APOBEC2: variants seen among roughly 807,000 people sequenced by gnomAD.
APOBEC2 encodes the protein C->U-editing enzyme APOBEC-2.
A neutral mutation model predicts 19.4 loss-of-function variants in APOBEC2; 14 were observed. The ratio of observed to expected loss-of-function variants is 0.72; its 90% CI spans 0.48 to 1.13. APOBEC2 has a LOEUF of 1.13. Ranked by LOEUF, APOBEC2 falls within the 50% of genes most tolerant of loss-of-function variation. The pLI, the probability that APOBEC2 is intolerant of heterozygous loss-of-function variation, is 0.00. For missense variants in APOBEC2, 304 were observed against 277.0 expected, an observed-to-expected ratio of 1.10 and a Z score of -0.69; for synonymous variants, 127 against 112.1, an observed-to-expected ratio of 1.13 and a Z score of -0.84.
chr6:41,058,869 G>C (rs1561837322), intron 1 of APOBEC2, among the ~76,000 whole-genome samples: 1 of 152,162 alleles, frequency 6.6e-6, no homozygotes, highest in Non-Finnish European at 1.5e-5. Context: ...CCTTTCCTTT[G>C]CTCCTTGAAA....
rs41273362 is a variant in APOBEC2, at chr6:41,061,555, C to G, written c.359C>G (p.Thr120Ser). The change falls in exon 2 of 3, where the codon ACC becomes AGC. Residue 120 changes from threonine (T) to serine (S), a missense_variant. By Grantham distance (58) the Thr-to-Ser change is moderately conservative (BLOSUM62 1). Coordinates refer to ENST00000244669, the MANE Select transcript of APOBEC2 (RefSeq NM_006789.4). ...AFDPALRYNV[T>S]WYVSSSPCAA... is the part of the protein sequence containing the mutation. ...GACCCAGCCCTGCGGTACAATGTCACCTGGTATGTGTCCTCCAGCCCCTGT... is the reference window on the plus strand; with the variant it reads ...GACCCAGCCCTGCGGTACAATGTCAGCTGGTATGTGTCCTCCAGCCCCTGT... 1.9e-6 allele frequency: 3 copies of G among 1,614,230 alleles called. No homozygotes were observed. The highest frequency in any genetic ancestry group is 2.5e-6 in the Non-Finnish European group (3 of 1,180,032).
chr6:41,061,469 G>T lies in APOBEC2; in HGVS notation c.273G>T (p.Glu91Asp). The T allele has an allele frequency of 6.2e-7, 1 of 1,613,896 alleles. No individual in the cohort carries two copies. The highest frequency in any genetic ancestry group is 8.5e-7 in the Non-Finnish European group (1 of 1,179,902). Residue 91 changes from glutamate to aspartate, a missense_variant, in exon 2 of 3, where the codon GAG (glutamate) becomes GAT (aspartate). Transcript: ENST00000244669. ...TGCAGGCATCTCGGGGATACCTAGA[G>T]GATGAGCATGCGGCTGCCCATGCAG... The part of the protein sequence containing the change: ...GQVQASRGYL[E>D]DEHAAAHAEE...
chr6:41,063,453 A>G (rs1343642237), intron 2 of APOBEC2, among the ~76,000 whole-genome samples: 1 of 151,960 alleles, frequency 6.6e-6, no homozygotes, highest in Non-Finnish European at 1.5e-5. Context: ...CCGGCAGCTT[A>G]AAATTTAACC....
intron 1 of APOBEC2, among the ~76,000 whole-genome samples, chr6:41,059,268 G>T (rs924973785): frequency 6.6e-6 from 1 of 152,176 alleles, no homozygotes; most frequent in Non-Finnish European, 1.5e-5. Context: ...TACTTGCCAG[G>T]GTTCCACCTG....
At chr6:41,054,868 CTCT>C (rs1554130909) in intron 1 of APOBEC2, among the ~76,000 whole-genome samples, 3 of 152,240 alleles carry the variant, frequency 2.0e-5, no homozygotes, top group Non-Finnish European at 4.4e-5. Context: ...GCACACTACA[CTCT>C]TGTGTGGCTT....
At position 41,061,558 on chromosome 6, in the gene APOBEC2, G is replaced by A. The variant is rs976805460; in HGVS notation, c.362G>A (p.Trp121Ter). The A allele has an allele frequency of 1.2e-6, 2 of 1,614,208 alleles. No homozygotes were observed. Among genetic ancestry groups the A allele is most frequent in the Non-Finnish European group, 8.5e-7 (1 of 1,180,036 alleles). Reference protein sequence around the residue: ...FDPALRYNVTWYVSSSPCAAC... With the variant: ...FDPALRYNVT ...CCAGCCCTGCGGTACAATGTCACCT[G>A]GTATGTGTCCTCCAGCCCCTGTGCA... Residue 121 changes from tryptophan to a stop codon, truncating the protein, a stop_gained, in exon 2 of 3, where the codon TGG becomes TAG. Transcript: ENST00000244669. LOFTEE classifies it high-confidence loss of function.
chr6:41,056,684 CTT>C (rs1762799928), intron 1 of APOBEC2, among the ~76,000 whole-genome samples: 2 of 152,312 alleles, frequency 1.3e-5, no homozygotes, highest in Middle Eastern at 3.4e-3. Flanking sequence ...GAGGACAGCA[CTT>C]TGTCTTTTTC....
At position 41,061,557 on chromosome 6, in the gene APOBEC2, T is replaced by G; in HGVS notation, c.361T>G (p.Trp121Gly). Residue 121 changes from tryptophan (W) to glycine (G), a missense_variant, in exon 2 of 3, where the codon TGG becomes GGG. By Grantham distance (184) the Trp-to-Gly change is radical. Coordinates refer to ENST00000244669, the MANE Select transcript of APOBEC2 (RefSeq NM_006789.4). The stretch of plus-strand genomic sequence containing the variant: ...CCCAGCCCTGCGGTACAATGTCACC[T>G]GGTATGTGTCCTCCAGCCCCTGTGC... Reference protein sequence around the residue: ...FDPALRYNVTWYVSSSPCAAC... With the variant: ...FDPALRYNVTGYVSSSPCAAC... 6.2e-7 allele frequency: 1 copy of G among 1,614,208 alleles called. No individual in the cohort carries two copies. Among genetic ancestry groups the G allele is most frequent in the Non-Finnish European group, 8.5e-7 (1 of 1,180,040 alleles).
chr6:41,061,232 C>A lies in APOBEC2; in HGVS notation c.132-96C>A. On this transcript the variant is annotated intron_variant, in intron 1 of 2. Transcript: ENST00000244669. The stretch of plus-strand genomic sequence containing the variant: ...ATTTATAGTAAGAGTGAATGCATTT[C>A]TGAAGTACTGACCTGGAAGAGCTAC... 9 of 742,148 alleles carry A rather than the reference C, an allele frequency of 1.2e-5. No individual in the cohort carries two copies. In the East Asian group the frequency reaches 2.2e-4, roughly 18 times the overall value. The allele number at this position is 742,148 out of a possible 1,614,324, so 46.0% of individuals were successfully genotyped here. A position where few individuals can be genotyped will look rare whatever the true frequency, so the allele number is the denominator to read the frequency against.
intron 1 of APOBEC2, among the ~76,000 whole-genome samples, chr6:41,057,816 TGAACC>T (rs1762813952): frequency 6.6e-6 from 1 of 152,222 alleles, no homozygotes; most frequent in Non-Finnish European, 1.5e-5. Flanking sequence ...GTTTTGAATG[TGAACC>T]TGAGAAAAAT....
intron 1 of APOBEC2, among the ~76,000 whole-genome samples, chr6:41,060,189 T>C (rs1219146133): frequency 2.6e-5 from 4 of 152,126 alleles, no homozygotes; most frequent in Non-Finnish European, 4.4e-5. Context: ...TTCCTGCTGT[T>C]TTCATTTCCT....
Position 41,061,802 on chromosome 6 carries a change from T to C in APOBEC2, c.606T>C (p.Phe202=). The C allele has an allele frequency of 6.2e-7, 1 of 1,614,192 alleles. No homozygotes were observed. The highest frequency in any genetic ancestry group is 1.1e-5 in the South Asian group (1 of 91,090). ...VEQEEGESKA[F]QPWEDIQENF... is the part of the protein sequence containing the mutation. ...AAGAAGAGGGTGAATCCAAGGCCTT[T>C]CAGCCCTGGGAGGACATTCAGGAGA... The change falls in exon 2 of 3, where the codon TTT becomes TTC. Residue 202 remains phenylalanine (F), a synonymous_variant. Transcript: ENST00000244669.
chr6:41,063,238 A>C (rs189247581), intron 2 of APOBEC2, among the ~76,000 whole-genome samples: 1 of 152,314 alleles, frequency 6.6e-6, no homozygotes, highest in Admixed American at 6.5e-5. Context: ...CAGTCACTGA[A>C]GTCAGTGAGC....
At position 41,061,614 on chromosome 6, in the gene APOBEC2, A is replaced by T. The variant is rs759645495; in HGVS notation, c.418A>T (p.Ser140Cys). ...TGCTGACCGCATTATCAAAACCCTT[A>T]GCAAGACCAAGAACCTGCGTCTGCT... ...ACADRIIKTLSKTKNLRLLIL... is the reference protein window; with the variant it reads ...ACADRIIKTLCKTKNLRLLIL... Residue 140 changes from serine (S) to cysteine (C), a missense_variant, in exon 2 of 3, where the codon AGC becomes TGC. Physicochemically the swap from Ser to Cys is moderately radical, Grantham distance 112. Transcript: ENST00000244669. 3.1e-6 allele frequency: 5 copies of T among 1,614,212 alleles called. No individual in the cohort carries two copies. The highest frequency in any genetic ancestry group is 4.2e-6 in the Non-Finnish European group (5 of 1,180,036).
intron 1 of APOBEC2, among the ~76,000 whole-genome samples, chr6:41,054,342 T>C (rs553676582): frequency 2.6e-5 from 4 of 152,204 alleles, no homozygotes; most frequent in Non-Finnish European, 4.4e-5. Flanking sequence ...TATTTCCTCC[T>C]TGAACCAAAC....
intron 1 of APOBEC2, among the ~76,000 whole-genome samples, chr6:41,056,367 T>C (rs1175098581): frequency 6.6e-6 from 1 of 152,248 alleles, no homozygotes; most frequent in Non-Finnish European, 1.5e-5. Flanking sequence ...GCAATCCTCA[T>C]GCCTCAGCCT....
chr6:41,063,185 A>T (rs1762900924), intron 2 of APOBEC2, among the ~76,000 whole-genome samples: 1 of 152,182 alleles, frequency 6.6e-6, no homozygotes, highest in African/African-American at 2.4e-5. Flanking sequence ...TTGCCAACCC[A>T]TGAAGATACA....
Position 41,053,450 on chromosome 6 carries a change from G to A in APOBEC2, c.103G>A (p.Glu35Lys). The A allele has an allele frequency of 6.2e-7, 1 of 1,614,228 alleles. No homozygotes were observed. The highest frequency in any genetic ancestry group is 8.5e-7 in the Non-Finnish European group (1 of 1,180,034). ...CCCTGAGAAGCTGAAAGAGCTGATTGAGCTGCCGCCCTTTGAGATTGTCAC... is the reference window on the plus strand; with the variant it reads ...CCCTGAGAAGCTGAAAGAGCTGATTAAGCTGCCGCCCTTTGAGATTGTCAC... The part of the protein sequence containing the change: ...DDPEKLKELI[E>K]LPPFEIVTGE... Residue 35 changes from glutamate (E) to lysine (K), a missense_variant, in exon 1 of 3, where the codon GAG (glutamate) becomes AAG (lysine). By Grantham distance (56) the Glu-to-Lys change is moderately conservative. Coordinates refer to ENST00000244669, the MANE Select transcript of APOBEC2 (RefSeq NM_006789.4).
chr6:41,053,391 C>T lies in APOBEC2; in HGVS notation c.44C>T (p.Ser15Phe). 1 of 1,614,082 alleles carries T rather than the reference C, an allele frequency of 6.2e-7. No individual in the cohort carries two copies. Among genetic ancestry groups the T allele is most frequent in the Non-Finnish European group, 8.5e-7 (1 of 1,180,032 alleles). Residue 15 changes from serine (S) to phenylalanine (F), a missense_variant, in exon 1 of 3, where the codon TCC becomes TTC. By Grantham distance (155) the Ser-to-Phe change is radical (BLOSUM62 -2). Coordinates refer to ENST00000244669, the MANE Select transcript of APOBEC2 (RefSeq NM_006789.4). ...EEAAVATEAASQNGEDLENLD... is the reference protein window; with the variant it reads ...EEAAVATEAAFQNGEDLENLD... Reference sequence around the variant, plus strand: ...GCTGCTGTGGCCACTGAGGCTGCCTCCCAGAATGGGGAGGATCTGGAGAAC... The same window carrying T: ...GCTGCTGTGGCCACTGAGGCTGCCTTCCAGAATGGGGAGGATCTGGAGAAC...
Sources: gnomAD v4.1 joint callset for allele counts (sites outside exome capture counted in the v4.1 genomes callset) on GRCh38, gnomAD v4.1.1 for gene constraint, MANE v1.5 for transcripts, NCBI Gene and HGNC (gene_info 2026-07-23, HGNC 2026-07-21) for gene names.